The following STARD13 variants were observed in gnomAD, a reference collection of about 807,000 sequenced individuals.
STARD13 encodes stAR-related lipid transfer protein 13.
STARD13 carries 62 observed loss-of-function variants against 106.4 expected under a neutral mutation model. The observed-to-expected ratio is 0.58, with a 90% confidence interval of 0.48 to 0.72. The LOEUF (loss-of-function observed/expected upper bound fraction) is 0.72. Among genes scored for constraint, STARD13 ranks in the 30% least tolerant of loss-of-function variants. The probability of loss-of-function intolerance (pLI) is 0.00; values close to 1 mark genes in which losing one functional copy is unlikely to be tolerated. For synonymous variants in STARD13, 565 were observed against 553.0 expected, an observed-to-expected ratio of 1.02 and a Z score of -0.31; for missense variants, 1,387 against 1,424.0, an observed-to-expected ratio of 0.97 and a Z score of 0.42.
At chr13:33,443,949 G>GAC in the STARD13 span, among the ~76,000 whole-genome samples, 1 of 148,538 alleles carries the variant, frequency 6.7e-6, no homozygotes, top group Non-Finnish European at 1.5e-5. Context: ...CTTATGGATA[G>GAC]ACAATTTTAG....
the STARD13 span, among the ~76,000 whole-genome samples, chr13:33,372,834 G>GA: frequency 2.0e-5 from 3 of 151,716 alleles, no homozygotes; most frequent in African/African-American, 7.3e-5. Flanking sequence ...ATACAATTCA[G>GA]AAAAAATAAA....
chr13:33,207,762 A>T (rs1341778041), intron 1 of STARD13, among the ~76,000 whole-genome samples: 1 of 152,126 alleles, frequency 6.6e-6, no homozygotes, highest in East Asian at 1.9e-4. Flanking sequence ...AATTCTTCCC[A>T]TATGGTGTTG....
the STARD13 span, among the ~76,000 whole-genome samples, chr13:33,516,721 G>A: frequency 1.3e-5 from 2 of 151,948 alleles, no homozygotes; most frequent in African/African-American, 4.8e-5. Context: ...AGTCCAAATT[G>A]AGATGTGCCA....
At chr13:33,306,996 G>T (rs549214080) in intron 1 of STARD13, among the ~76,000 whole-genome samples, 1 of 151,784 alleles carries the variant, frequency 6.6e-6, no homozygotes, top group African/African-American at 2.4e-5. Flanking sequence ...GTGGGCAAAG[G>T]ACATGAACAG....
the STARD13 span, among the ~76,000 whole-genome samples, chr13:33,571,464 C>A: frequency 2.8e-4 from 42 of 152,166 alleles, no homozygotes; most frequent in African/African-American, 9.9e-4. Flanking sequence ...TTTCTGCATA[C>A]CTTATGCTAT....
intron 7 of STARD13, among the ~76,000 whole-genome samples, chr13:33,120,761 C>T (rs1016611849): frequency 2.7e-5 from 4 of 150,236 alleles, no homozygotes; most frequent in Admixed American, 6.7e-5. Flanking sequence ...ACCCTGGAAC[C>T]GTTCTATTTC....
At chr13:33,427,529 C>T in the STARD13 span, among the ~76,000 whole-genome samples, 2 of 152,020 alleles carry the variant, frequency 1.3e-5, no homozygotes, top group South Asian at 2.1e-4. Context: ...CCTTTTTTTC[C>T]ACTTGAAATA....
At position 33,167,017 on chromosome 13, in the gene STARD13, A is replaced by C. The variant is rs181938867; in HGVS notation, c.241+534T>G. ...TCAAAAAAAAACAAAAAAAAAACCA[A>C]AAAAAAATCAATGAAAGGAAGTGTA... On this transcript the variant is annotated intron_variant, in intron 2 of 13. Coordinates refer to ENST00000336934, the MANE Select transcript of STARD13 (RefSeq NM_178006.4). Among the ~76,000 whole-genome samples, 495 of 151,624 alleles carry C rather than the reference A, an allele frequency of 3.3e-3. 4 individuals carry two copies. Among genetic ancestry groups the C allele is most frequent in the African/African-American group, 0.011 (467 of 41,218 alleles).
the STARD13 span, among the ~76,000 whole-genome samples, chr13:33,466,037 C>T: frequency 6.6e-6 from 1 of 152,120 alleles, no homozygotes; most frequent in South Asian, 2.1e-4. Context: ...TAGGTTTTCT[C>T]ATTTGTTAAA....
the STARD13 span, among the ~76,000 whole-genome samples, chr13:33,596,405 T>C: frequency 6.6e-6 from 1 of 152,192 alleles, no homozygotes; most frequent in Admixed American, 6.5e-5. Context: ...TACACACACA[T>C]GCATGTTATA....
intron 7 of STARD13, among the ~76,000 whole-genome samples, chr13:33,121,473 T>A (rs975051979): frequency 2.0e-5 from 3 of 150,224 alleles, no homozygotes; most frequent in African/African-American, 7.4e-5. Context: ...AAGGCTGAGG[T>A]GGGAGAATCT....
the STARD13 span, among the ~76,000 whole-genome samples, chr13:33,368,653 C>T: frequency 6.6e-6 from 1 of 152,094 alleles, no homozygotes; most frequent in Admixed American, 6.6e-5. Context: ...AACATAGGAA[C>T]AAAAGGGCCT....
the STARD13 span, among the ~76,000 whole-genome samples, chr13:33,441,276 C>A: frequency 6.6e-6 from 1 of 152,204 alleles, no homozygotes; most frequent in African/African-American, 2.4e-5. Context: ...TTCCTAACTT[C>A]TTAGTCCGAT....
Position 33,118,245 on chromosome 13 carries a change from A to G in STARD13, c.2101T>C (p.Ser701Pro). The stretch of plus-strand genomic sequence containing the variant: ...GCATGGATTCGAGACTTCACTCCTG[A>G]TTTGCGAAAAAGACCCACCTGAAAC... The part of the protein sequence containing the change: ...CLDQVGLFRK[S>P]GVKSRIHALR... Residue 701 changes from serine (S) to proline (P), a missense_variant, in exon 8 of 14, where the codon TCA becomes CCA. Transcript: ENST00000336934. 6.2e-7 allele frequency: 1 copy of G among 1,614,148 alleles called. No homozygotes were observed. The highest frequency in any genetic ancestry group is 8.5e-7 in the Non-Finnish European group (1 of 1,180,026).
chr13:33,162,165 C>T (rs1210885647), intron 3 of STARD13, among the ~76,000 whole-genome samples: 1 of 152,190 alleles, frequency 6.6e-6, no homozygotes, highest in African/African-American at 2.4e-5. Flanking sequence ...TAACTCATTT[C>T]AGCATTAACC....
chr13:33,508,144 A>G, the STARD13 span, among the ~76,000 whole-genome samples: 1 of 151,964 alleles, frequency 6.6e-6, no homozygotes, highest in Non-Finnish European at 1.5e-5. Context: ...CAGGAAAACC[A>G]CTCCTCTGCC....
the STARD13 span, among the ~76,000 whole-genome samples, chr13:33,475,628 A>G: frequency 2.6e-5 from 4 of 152,232 alleles, no homozygotes; most frequent in Non-Finnish European, 5.9e-5. Flanking sequence ...ATTTCTAAAC[A>G]TAAATCATAC....
At chr13:33,414,212 C>T in the STARD13 span, among the ~76,000 whole-genome samples, 1 of 152,118 alleles carries the variant, frequency 6.6e-6, no homozygotes, top group Non-Finnish European at 1.5e-5. Context: ...AACTATATCC[C>T]TCTGACATTG....
chr13:33,120,888 T>A (rs1385612251), intron 7 of STARD13, among the ~76,000 whole-genome samples: 1 of 151,978 alleles, frequency 6.6e-6, no homozygotes, highest in Non-Finnish European at 1.5e-5. Context: ...TACAGGCACC[T>A]GCCACCACTT....
Sources: allele counts gnomAD v4.1 joint callset (sites outside exome capture counted in the v4.1 genomes callset), GRCh38; gene constraint gnomAD v4.1.1; transcripts MANE v1.5; gene names NCBI Gene and HGNC (gene_info 2026-07-23, HGNC 2026-07-21).